Variants in FBH1 observed in about 807,000 individuals in gnomAD.
FBH1 encodes the protein DNA 3'-5' helicase 1.
FBH1 carries 43 observed loss-of-function variants against 115.5 expected under a neutral mutation model. That is an observed-to-expected ratio of 0.37 (90% confidence interval 0.29 to 0.48). The LOEUF is 0.48. Ranked by LOEUF, FBH1 falls within the 20% of genes least tolerant of loss-of-function variation. FBH1 has a pLI of 0.99. For missense variants in FBH1, 1,001 were observed against 1,337.3 expected (o/e 0.75, Z 3.92); for synonymous variants, 524 against 507.8 (o/e 1.03, Z -0.43).
In FBH1 at chr10:5,918,914, T is replaced by C. The variant is rs1380379716; in HGVS notation, c.2100+436T>C. On this transcript the variant is annotated intron_variant, in intron 13 of 20. Coordinates refer to ENST00000362091, the MANE Select transcript of FBH1 (RefSeq NM_178150.3). The surrounding 1 kb of genome is among the most constrained non-coding windows in gnomAD (Gnocchi z 4.0). ...TTGGCAAACTCTCCCATAATGAATG[T>C]GACAACTCACAGTGTCCTTGATTAT... Among the ~76,000 whole-genome samples the C allele has an allele frequency of 6.6e-6, 1 of 152,252 alleles. No homozygotes were observed. The highest frequency in any genetic ancestry group is 1.5e-5 in the Non-Finnish European group (1 of 68,042).
At chr10:5,912,289 A>G (rs76434546) in intron 6 of FBH1, among the ~76,000 whole-genome samples, 5,396 of 151,792 alleles carry the variant, frequency 0.036, 190 homozygotes, top group East Asian at 0.15. Context: ...ACTTGAACCC[A>G]GGAGGCAGAG....
At position 5,906,088 on chromosome 10, in the gene FBH1, C is replaced by T. The variant is rs199982161; in HGVS notation, c.209C>T (p.Pro70Leu). Residue 70 changes from proline to leucine, a missense_variant, in exon 3 of 21, where the codon CCG becomes CTG. Pro to Leu is a moderately conservative substitution (Grantham distance 98). Transcript: ENST00000362091. This position sits in a 1 kb window ranked among gnomAD's most constrained non-coding sequence, Gnocchi z 7.3. ...IPEFFLAGKQ[P>L]CTNDMAKSNS... ...GAGTTCTTCCTAGCAGGCAAGCAGCCGTGCACCAATGACATGGCCAAAAGC... is the reference window on the plus strand; with the variant it reads ...GAGTTCTTCCTAGCAGGCAAGCAGCTGTGCACCAATGACATGGCCAAAAGC... The T allele has an allele frequency of 1.2e-5, 19 of 1,613,964 alleles. No individual in the cohort carries two copies. The highest frequency in any genetic ancestry group is 6.7e-5 in the East Asian group (3 of 44,870).
rs1312135940 is a variant in FBH1, at chr10:5,909,368, T to C, written c.1020+74T>C. ...AAAGTGTACTGGTGATTCAGTTCAA[T>C]TGAGGATGACTTTATATTTATTTTT... On this transcript the variant is annotated intron_variant, in intron 5 of 20. Coordinates refer to ENST00000362091, the MANE Select transcript of FBH1 (RefSeq NM_178150.3). The surrounding 1 kb of genome is among the most constrained non-coding windows in gnomAD (Gnocchi z 4.4). 8 of 1,490,836 alleles carry C rather than the reference T, an allele frequency of 5.4e-6. No homozygotes were observed. The highest frequency in any genetic ancestry group is 2.5e-5 in the South Asian group (2 of 80,174). The allele number at this position is 1,490,836 out of a possible 1,614,324, so 92.4% of individuals were successfully genotyped here.
At chr10:5,890,071 C>T, upstream of FBH1, 1 of 305,438 alleles carries the variant, frequency 3.3e-6, no homozygotes, top group Non-Finnish European at 6.0e-6. Flanking sequence ...GCCGCGCCCC[C>T]ACCGATTGCG....
At position 5,935,972 on chromosome 10, in the gene FBH1, T is replaced by C. The variant is rs633930; in HGVS notation, c.2830-484T>C. 0.35 allele frequency: 54,038 copies of C among 153,830 alleles called. 11,143 individuals carry two copies. The highest frequency in any genetic ancestry group is 0.68 in the East Asian group (3,556 of 5,202). The allele number at this position is 153,830 out of a possible 1,614,324, so 9.5% of individuals were successfully genotyped here. A position where few individuals can be genotyped will look rare whatever the true frequency, so the allele number is the denominator to read the frequency against. On this transcript the variant is annotated intron_variant, in intron 19 of 20. Coordinates refer to ENST00000362091, the MANE Select transcript of FBH1 (RefSeq NM_178150.3). This position sits in a 1 kb window ranked among gnomAD's most constrained non-coding sequence, Gnocchi z 5.2. ...CACCTGAAGCAGGCACCGTGCCATC[T>C]GCATTTATGGATAAAGACACAGGCT... is the stretch of plus-strand genomic sequence containing the variant.
At position 5,906,379 on chromosome 10, in the gene FBH1, A is replaced by G. The variant is rs1347003753; in HGVS notation, c.500A>G (p.Glu167Gly). The G allele has an allele frequency of 1.2e-6, 2 of 1,614,104 alleles. No homozygotes were observed. The highest frequency in any genetic ancestry group is 1.1e-5 in the South Asian group (1 of 91,090). ...CCTAGGGAGGCCAGGCAAGAAGCAG[A>G]GGACAGTACGTCTCGGCTCTCTGCG... ...TRPREARQEA[E>G]DSTSRLSAES... Residue 167 changes from glutamate (E) to glycine (G), a missense_variant, in exon 3 of 21, where the codon GAG becomes GGG. Physicochemically the swap from Glu to Gly is moderately conservative, Grantham distance 98 (BLOSUM62 -2). Coordinates refer to ENST00000362091, the MANE Select transcript of FBH1 (RefSeq NM_178150.3). The surrounding 1 kb of genome is among the most constrained non-coding windows in gnomAD (Gnocchi z 7.3).
rs78822151 is a variant in FBH1 at position 5,931,636 on chromosome 10, A to G, written c.2829+4095A>G. ...TACTGACTGGACTTGAAGATTTCCT[A>G]ACAGCTCCATTTCTCCATGAATGAT... On this transcript the variant is annotated intron_variant, in intron 19 of 20. Transcript: ENST00000362091. The surrounding 1 kb of genome is among the most constrained non-coding windows in gnomAD (Gnocchi z 4.3). Among the ~76,000 whole-genome samples, 4 of 152,330 alleles carry G rather than the reference A, an allele frequency of 2.6e-5. No homozygotes were observed. The East Asian group carries it at 7.7e-4, about 29-fold the overall frequency.
chr10:5,937,489 G>A lies in FBH1; in HGVS notation c.*209G>A, dbSNP rs185835124. 114 of 410,612 alleles carry A rather than the reference G, an allele frequency of 2.8e-4. No homozygotes were observed. The highest frequency in any genetic ancestry group is 2.2e-3 in the African/African-American group (108 of 48,274). 25.4% of individuals were successfully genotyped at this position (410,612 alleles called of 1,614,324 possible). A position where few individuals can be genotyped will look rare whatever the true frequency, so the allele number is the denominator to read the frequency against. Reference sequence around the variant, plus strand: ...CTTGCCTCCCCTCTGGATGTATCTGGTCAGGGAAGTGGGGGATGTTCTTTT... The same window carrying A: ...CTTGCCTCCCCTCTGGATGTATCTGATCAGGGAAGTGGGGGATGTTCTTTT... On this transcript the variant is annotated 3_prime_UTR_variant, in exon 21 of 21. Transcript: ENST00000362091.
chr10:5,907,255 A>G (rs1222799257), intron 3 of FBH1, among the ~76,000 whole-genome samples: 2 of 152,056 alleles, frequency 1.3e-5, no homozygotes, highest in Non-Finnish European at 2.9e-5. Context: ...GTGAGCCACC[A>G]TGTCTGGCCC....
chr10:5,936,880 C>G lies in FBH1; in HGVS notation c.2962-230C>G. The G allele has an allele frequency of 1.6e-6, 1 of 609,496 alleles. No homozygotes were observed. Among genetic ancestry groups the G allele is most frequent in the Non-Finnish European group, 2.8e-6 (1 of 351,548 alleles). The allele number at this position is 609,496 out of a possible 1,614,324, so 37.8% of individuals were successfully genotyped here. A position where few individuals can be genotyped will look rare whatever the true frequency, so the allele number is the denominator to read the frequency against. On this transcript the variant is annotated intron_variant, in intron 20 of 20. Transcript: ENST00000362091. The surrounding 1 kb of genome is among the most constrained non-coding windows in gnomAD (Gnocchi z 5.6). Reference sequence around the variant, plus strand: ...AGCGCAGCTTTTCTTGGTTCTTTATCTTGACTGGATAAATGACTGTTTCTG... The same window carrying G: ...AGCGCAGCTTTTCTTGGTTCTTTATGTTGACTGGATAAATGACTGTTTCTG...
At chr10:5,904,062 T>G (rs564476900) in intron 2 of FBH1, among the ~76,000 whole-genome samples, 1 of 148,724 alleles carries the variant, frequency 6.7e-6, no homozygotes, top group Non-Finnish European at 1.5e-5. Context: ...CTGGTTGTCT[T>G]TTTTTTTTTT....
rs375405631 is a variant in FBH1 at position 5,921,290 on chromosome 10, G to A, written c.2133G>A (p.Val711=). ...GGTTTGGTGTGGAAATAGCTTATGT[G>A]GGAGCTACTATCTTGGATGTTTGCA... ...SFRFGVEIAY[V]GATILDVCKR... Residue 711 remains valine, a synonymous_variant, in exon 14 of 21, where the codon GTG becomes GTA. Transcript: ENST00000362091. The surrounding 1 kb of genome is among the most constrained non-coding windows in gnomAD (Gnocchi z 6.4). 4.5e-4 allele frequency: 719 copies of A among 1,614,052 alleles called. No homozygotes were observed. Among genetic ancestry groups the A allele is most frequent in the Non-Finnish European group, 5.8e-4 (683 of 1,180,034 alleles).
chr10:5,902,590 C>G (rs1225087145), intron 1 of FBH1, among the ~76,000 whole-genome samples: 2 of 152,030 alleles, frequency 1.3e-5, no homozygotes, highest in African/African-American at 4.8e-5. Context: ...CCTCGGTCTC[C>G]TAAGTAGCTG....
At chr10:5,928,934 A>G (rs561483208) in intron 19 of FBH1, among the ~76,000 whole-genome samples, 3 of 152,264 alleles carry the variant, frequency 2.0e-5, no homozygotes, top group South Asian at 4.1e-4. Context: ...TCAGTGCCAT[A>G]TTGCCTACTC....
intron 1 of FBH1, among the ~76,000 whole-genome samples, chr10:5,894,739 G>A (rs965630320): frequency 1.3e-5 from 2 of 152,204 alleles, no homozygotes; most frequent in Non-Finnish European, 2.9e-5. Flanking sequence ...TGTGTTACAT[G>A]CTGGGTGTGA....
intron 1 of FBH1, among the ~76,000 whole-genome samples, chr10:5,902,090 T>G (rs1257261260): frequency 6.6e-6 from 1 of 152,136 alleles, no homozygotes; most frequent in Non-Finnish European, 1.5e-5. Flanking sequence ...TAAGGGAAGA[T>G]ATGAAGTTTT....
At position 5,897,469 on chromosome 10, in the gene FBH1, AG is replaced by A. The variant is rs1843077943; in HGVS notation, c.2-5549del. On this transcript the variant is annotated intron_variant, in intron 1 of 20. Coordinates refer to ENST00000362091, the MANE Select transcript of FBH1 (RefSeq NM_178150.3). This position sits in a 1 kb window ranked among gnomAD's most constrained non-coding sequence, Gnocchi z 4.7. ...CACCTCTCTCTGAGACCAGAGATAC[AG>A]GTTAGTTTTCCTGACCTCCAGCTGA... Among the ~76,000 whole-genome samples, 1 of 152,130 alleles carries A rather than the reference AG, an allele frequency of 6.6e-6. No homozygotes were observed. The highest frequency in any genetic ancestry group is 2.4e-5 in the African/African-American group (1 of 41,422).
At chr10:5,891,440 T>C (rs1842720176) in intron 1 of FBH1, among the ~76,000 whole-genome samples, 1 of 152,236 alleles carries the variant, frequency 6.6e-6, no homozygotes, top group East Asian at 1.9e-4. Context: ...AGTGTTCTGC[T>C]GCCGTTGAAG....
intron 1 of FBH1, among the ~76,000 whole-genome samples, chr10:5,902,192 A>G (rs1843388267): frequency 6.6e-6 from 1 of 151,954 alleles, no homozygotes; most frequent in African/African-American, 2.4e-5. Context: ...TCTCAATACC[A>G]AGGGGCTCGG....
Sources: allele counts gnomAD v4.1 joint callset (sites outside exome capture counted in the v4.1 genomes callset), GRCh38; gene constraint gnomAD v4.1.1; non-coding constraint Gnocchi (gnomAD v3.1); transcripts MANE v1.5; gene names NCBI Gene and HGNC (gene_info 2026-07-23, HGNC 2026-07-21).